Variants in BRAF observed in about 807,000 individuals in gnomAD.
The protein encoded by BRAF is B-Raf proto-oncogene, serine/threonine kinase.
In BRAF, 16 loss-of-function variants were observed where a neutral mutation model predicts 104.6. That is an observed-to-expected ratio of 0.15 (90% CI 0.10 to 0.23). The LOEUF (loss-of-function observed/expected upper bound fraction) is 0.23. Among genes scored for constraint, BRAF ranks in the 10% least tolerant of loss-of-function variants. The pLI, the probability that BRAF is intolerant of heterozygous loss-of-function variation, is 1.00. For synonymous variants in BRAF, 310 were observed against 341.6 expected, an observed-to-expected ratio of 0.91 and a Z score of 1.02; for missense variants, 541 against 937.3, an observed-to-expected ratio of 0.58 and a Z score of 5.52.
intron 1 of BRAF, among the ~76,000 whole-genome samples, chr7:140,909,940 A>G (rs1461972621): frequency 6.6e-6 from 1 of 152,138 alleles, no homozygotes; most frequent in African/African-American, 2.4e-5. Flanking sequence ...AAGTCCAGCA[A>G]GTCATTCTAG....
intron 2 of BRAF, among the ~76,000 whole-genome samples, chr7:140,838,902 G>A (rs992839572): frequency 6.6e-6 from 1 of 152,154 alleles, no homozygotes; most frequent in Non-Finnish European, 1.5e-5. Context: ...AAATATTTTA[G>A]AATCAGATAG....
chr7:140,893,482 C>T (rs2129119750), intron 1 of BRAF, among the ~76,000 whole-genome samples: 1 of 152,204 alleles, frequency 6.6e-6, no homozygotes, highest in East Asian at 1.9e-4. Context: ...ATCTCTTGAC[C>T]TCGTGATCTG....
chr7:140,844,386 A>C (rs1323593991), intron 2 of BRAF, among the ~76,000 whole-genome samples: 3 of 152,146 alleles, frequency 2.0e-5, no homozygotes, highest in African/African-American at 4.8e-5. Context: ...TCTGATGCTA[A>C]TTATAGTTAT....
chr7:140,714,209 G>A, the BRAF span, among the ~76,000 whole-genome samples: 24 of 152,254 alleles, frequency 1.6e-4, no homozygotes, highest in African/African-American at 5.5e-4. Context: ...GTTCCTATTC[G>A]GCCATCTTGG....
chr7:140,738,897 C>T (rs573909323), intron 18 of BRAF, among the ~76,000 whole-genome samples: 7 of 151,344 alleles, frequency 4.6e-5, no homozygotes, highest in African/African-American at 1.5e-4. Context: ...ATTTGTAAGC[C>T]ACGACACCTG....
chr7:140,753,926 A>C, intron 15 of BRAF: 1 of 529,926 alleles, frequency 1.9e-6, no homozygotes, highest in South Asian at 2.1e-5. Context: ...TATAGTGCTG[A>C]TAAAATGTAA....
intron 12 of BRAF, among the ~76,000 whole-genome samples, chr7:140,778,728 T>TA (rs1275584756): frequency 6.7e-6 from 1 of 148,318 alleles, no homozygotes; most frequent in African/African-American, 2.5e-5. Flanking sequence ...GATATTTTAT[T>TA]AAAATCATCA....
chr7:140,823,628 C>T (rs985482928), intron 3 of BRAF: 1 of 152,164 alleles, frequency 6.6e-6, no homozygotes, highest in East Asian at 1.9e-4. Flanking sequence ...CATGAGTGTA[C>T]AAATATCTCT....
At chr7:140,875,024 A>G (rs1445409339) in intron 1 of BRAF, among the ~76,000 whole-genome samples, 1 of 152,158 alleles carries the variant, frequency 6.6e-6, no homozygotes, top group Non-Finnish European at 1.5e-5. Context: ...CCTCCCCAGA[A>G]GCAGAATCTG....
intron 2 of BRAF, among the ~76,000 whole-genome samples, chr7:140,847,514 T>C (rs868433604): frequency 1.3e-5 from 2 of 150,464 alleles, no homozygotes; most frequent in Admixed American, 6.6e-5. Flanking sequence ...ACCTGGGAGG[T>C]GGAGGTTGCA....
At chr7:140,878,472 A>T (rs1812507769) in intron 1 of BRAF, among the ~76,000 whole-genome samples, 1 of 152,222 alleles carries the variant, frequency 6.6e-6, no homozygotes, top group Admixed American at 6.5e-5. Flanking sequence ...GAAAGTGAAA[A>T]AAACCTACAG....
chr7:140,754,105 T>C, intron 15 of BRAF, 82 bp downstream of exon 14: 1 of 1,410,364 alleles, frequency 7.1e-7, no homozygotes, highest in African/African-American at 1.4e-5. Flanking sequence ...ATGAAAACTG[T>C]TTTTACATAA....
chr7:140,903,594 T>C (rs1815926067), intron 1 of BRAF, among the ~76,000 whole-genome samples: 1 of 152,222 alleles, frequency 6.6e-6, no homozygotes, highest in Non-Finnish European at 1.5e-5. Context: ...ATTGTGACTT[T>C]CAACATTCCT....
At chr7:140,766,946 G>C (rs575189528) in intron 14 of BRAF, among the ~76,000 whole-genome samples, 2 of 152,298 alleles carry the variant, frequency 1.3e-5, no homozygotes, top group African/African-American at 4.8e-5. Flanking sequence ...TCCCACGTTA[G>C]CTTCCCAAAG....
chr7:140,903,219 C>T (rs1815872197), intron 1 of BRAF, among the ~76,000 whole-genome samples: 1 of 152,146 alleles, frequency 6.6e-6, no homozygotes, highest in Admixed American at 6.5e-5. Flanking sequence ...AGCCACCACG[C>T]CTGGCCTAGG....
chr7:140,800,853 C>T (rs548439275), intron 6 of BRAF, among the ~76,000 whole-genome samples: 2 of 152,110 alleles, frequency 1.3e-5, no homozygotes, highest in Non-Finnish European at 1.5e-5. Flanking sequence ...AAGACTTTAA[C>T]AGCAGCAGCA....
chr7:140,752,696 T>TC (rs1477986863), intron 16 of BRAF, among the ~76,000 whole-genome samples: 1 of 152,204 alleles, frequency 6.6e-6, no homozygotes, highest in Non-Finnish European at 1.5e-5. Context: ...TCTTTCCTCT[T>TC]CCAGCTGCCC....
intron 3 of BRAF, 176 bp downstream of exon 3, chr7:140,834,433 G>C (rs1457937720): frequency 1.1e-6 from 1 of 906,054 alleles, no homozygotes; most frequent in East Asian, 2.6e-5. Flanking sequence ...ATTTATTTCA[G>C]TTAAGGAATA....
Position 140,722,474 on chromosome 7 carries a change from G to A in BRAF, c.*4020C>T, listed in dbSNP as rs1795367671. 1.9e-5 allele frequency: 20 copies of A among 1,055,422 alleles called. No individual in the cohort carries two copies. The highest frequency in any genetic ancestry group is 2.2e-5 in the Non-Finnish European group (19 of 873,108). The allele number at this position is 1,055,422 out of a possible 1,614,324, so 65.4% of individuals were successfully genotyped here. The stretch of plus-strand genomic sequence containing the variant: ...CAAATTGTCAAGGTATTTTTCTAGA[G>A]CCTCACCTACACCATTTCAACTCAT... On this transcript the variant is annotated 3_prime_UTR_variant, in exon 20 of 20. Coordinates refer to ENST00000644969, the MANE Select transcript of BRAF (RefSeq NM_001374258.1).
Sources: gnomAD v4.1 joint callset for allele counts (sites outside exome capture counted in the v4.1 genomes callset) on GRCh38, gnomAD v4.1.1 for gene constraint, MANE v1.5 for transcripts, NCBI Gene and HGNC (gene_info 2026-07-23, HGNC 2026-07-21) for gene names.